Variants in CDS2 observed in about 807,000 individuals in gnomAD.
CDS2 encodes the protein phosphatidate cytidylyltransferase 2.
CDS2 carries 47 observed loss-of-function variants against 59.0 expected under a neutral mutation model. The ratio of observed to expected loss-of-function variants is 0.80; its 90% CI spans 0.63 to 1.02. The LOEUF (loss-of-function observed/expected upper bound fraction) is 1.02. Ranked by LOEUF, CDS2 falls within the 50% of genes least tolerant of loss-of-function variation. The pLI is 0.00. For synonymous variants in CDS2, 207 were observed against 206.4 expected (o/e 1.00, Z -0.02); for missense variants, 356 against 558.9 (o/e 0.64, Z 3.66).
chr20:5,183,756 G>A (rs2091047638), intron 7 of CDS2, among the ~76,000 whole-genome samples: 3 of 152,232 alleles, frequency 2.0e-5, no homozygotes, highest in Admixed American at 2.0e-4. Flanking sequence ...AGTGTGTCAA[G>A]GGAATAATAT....
At chr20:5,136,324 GACTCGGTT>G (rs1180300610) in intron 1 of CDS2, among the ~76,000 whole-genome samples, 2 of 152,138 alleles carry the variant, frequency 1.3e-5, no homozygotes, top group Non-Finnish European at 2.9e-5. Context: ...AATCCCAGAT[GACTCGGTT>G]ACTCAGGCTT....
chr20:5,140,514 C>G (rs745416154), intron 1 of CDS2, among the ~76,000 whole-genome samples: 4 of 152,118 alleles, frequency 2.6e-5, no homozygotes, highest in African/African-American at 4.8e-5. Flanking sequence ...TGGTTTATAG[C>G]CTAGTTCAAT....
At chr20:5,141,303 A>G (rs1040547299) in intron 1 of CDS2, among the ~76,000 whole-genome samples, 33 of 152,242 alleles carry the variant, frequency 2.2e-4, no homozygotes, top group African/African-American at 6.8e-4. Flanking sequence ...ATTAGATAGT[A>G]TCCTTTTTGT....
At position 5,194,368 on chromosome 20, in the gene CDS2, C is replaced by T. The variant is rs954808743; in HGVS notation, c.*4134C>T. The stretch of plus-strand genomic sequence containing the variant: ...TCTTATCTCAGGGCTCTGCCTGGCC[C>T]ACCTTCTCTTGGGCCTGGACTCTCC... On this transcript the variant is annotated 3_prime_UTR_variant, in exon 13 of 13. Transcript: ENST00000460006. 2 of 152,234 alleles carry T rather than the reference C, an allele frequency of 1.3e-5. No homozygotes were observed. Among genetic ancestry groups the T allele is most frequent in the African/African-American group, 2.4e-5 (1 of 41,442 alleles). The allele number at this position is 152,234 out of a possible 1,614,324, so 9.4% of individuals were successfully genotyped here.
chr20:5,188,944 C>A, intron 10 of CDS2, 123 bp from the exon 11 acceptor site: 1 of 1,232,152 alleles, frequency 8.1e-7, no homozygotes, highest in Non-Finnish European at 1.2e-6. Context: ...CCAAACACCT[C>A]CCACTAGGCA....
intron 1 of CDS2, among the ~76,000 whole-genome samples, chr20:5,157,854 T>C (rs1301647144): frequency 2.0e-5 from 3 of 152,088 alleles, no homozygotes; most frequent in African/African-American, 7.2e-5. Flanking sequence ...GAGACATAAA[T>C]ATGCAGACCA....
chr20:5,152,095 C>A lies in CDS2; in HGVS notation c.58-21428C>A, dbSNP rs919570215. ...CATGGCTTTTTAAAAAAAAAAAAAA[C>A]AAAAAAACAAAAACAGGCAATGATC... is the stretch of plus-strand genomic sequence containing the variant. On this transcript the variant is annotated intron_variant, in intron 1 of 12. Coordinates refer to ENST00000460006, the MANE Select transcript of CDS2 (RefSeq NM_003818.4). 1.5e-3 allele frequency among the ~76,000 whole-genome samples: 220 copies of A among 144,240 alleles called. 1 individual carries two copies. The highest frequency in any genetic ancestry group is 4.4e-3 in the African/African-American group (173 of 38,942). 94.6% of individuals were successfully genotyped at this position (144,240 alleles called of 152,430 possible).
intron 1 of CDS2, among the ~76,000 whole-genome samples, chr20:5,168,418 A>T (rs6116671): frequency 7.5e-6 from 1 of 132,910 alleles, no homozygotes; most frequent in Non-Finnish European, 1.6e-5. Context: ...CTGTCCCCCC[A>T]AAAAAAAAAA....
rs774804634 is a variant in CDS2, at chr20:5,190,249, C to T, written c.*15C>T. ...AGGACGAGTAGGGGCCACCCAGGGC[C>T]AGGAGAACAGGAACAGAACTGAGCA... On this transcript the variant is annotated 3_prime_UTR_variant, in exon 13 of 13. Coordinates refer to ENST00000460006, the MANE Select transcript of CDS2 (RefSeq NM_003818.4). 6.2e-7 allele frequency: 1 copy of T among 1,610,666 alleles called. No homozygotes were observed. The highest frequency in any genetic ancestry group is 1.3e-5 in the African/African-American group (1 of 74,924).
chr20:5,162,429 T>C (rs1373128679), intron 1 of CDS2, among the ~76,000 whole-genome samples: 1 of 152,218 alleles, frequency 6.6e-6, no homozygotes, highest in East Asian at 1.9e-4. Flanking sequence ...GGTTTCTGGC[T>C]TATGCAGGGT....
In CDS2 at chr20:5,195,032, A is replaced by G. The variant is rs1568548337; in HGVS notation, c.*4798A>G. 2 of 152,170 alleles carry G rather than the reference A, an allele frequency of 1.3e-5. No individual in the cohort carries two copies. Among genetic ancestry groups the G allele is most frequent in the Non-Finnish European group, 2.9e-5 (2 of 68,042 alleles). The allele number at this position is 152,170 out of a possible 1,614,324, so 9.4% of individuals were successfully genotyped here. A position where few individuals can be genotyped will look rare whatever the true frequency, so the allele number is the denominator to read the frequency against. ...AGCAGTGGTTAAGACAGACTTTGGGATCAAATCACCCTAGGTGCGGGCAGG... is the reference window on the plus strand; with the variant it reads ...AGCAGTGGTTAAGACAGACTTTGGGGTCAAATCACCCTAGGTGCGGGCAGG... On this transcript the variant is annotated 3_prime_UTR_variant, in exon 13 of 13. Coordinates refer to ENST00000460006, the MANE Select transcript of CDS2 (RefSeq NM_003818.4).
At chr20:5,156,292 A>G (rs1042380868) in intron 1 of CDS2, among the ~76,000 whole-genome samples, 2 of 152,174 alleles carry the variant, frequency 1.3e-5, no homozygotes, top group African/African-American at 2.4e-5. Context: ...AGTGTTTTCC[A>G]TGGGGCACAT....
chr20:5,185,914 C>T, intron 9 of CDS2, 88 bp downstream of exon 9: 1 of 1,276,234 alleles, frequency 7.8e-7, no homozygotes, highest in South Asian at 1.2e-5. Flanking sequence ...TGGAGAGTGT[C>T]TTTGGAGGCC....
chr20:5,186,915 C>A, intron 10 of CDS2, 76 bp downstream of exon 10: 1 of 1,533,892 alleles, frequency 6.5e-7, no homozygotes, highest in Non-Finnish European at 9.0e-7. Flanking sequence ...CATCACCTGC[C>A]CTCTGAAAAA....
intron 1 of CDS2, among the ~76,000 whole-genome samples, chr20:5,140,319 A>G (rs558729802): frequency 4.5e-4 from 68 of 152,326 alleles, no homozygotes; most frequent in Admixed American, 1.6e-3. Flanking sequence ...AAAGGGATGT[A>G]CTTTGTTTAG....
rs1430091607 is a variant in CDS2 at position 5,169,879 on chromosome 20, C to T, written c.58-3644C>T. On this transcript the variant is annotated intron_variant, in intron 1 of 12. Coordinates refer to ENST00000460006, the MANE Select transcript of CDS2 (RefSeq NM_003818.4). ...AAGCAAGGTAGGCAAATGCTGTGCC[C>T]AGATCATTTATTAGCACTTGGCCCC... Among the ~76,000 whole-genome samples, 3 of 152,254 alleles carry T rather than the reference C, an allele frequency of 2.0e-5. No individual in the cohort carries two copies. In the South Asian group the frequency reaches 6.2e-4, roughly 32 times the overall value.
At chr20:5,176,092 A>G (rs1829309916) in intron 3 of CDS2, 1 of 153,824 alleles carries the variant, frequency 6.5e-6, no homozygotes, top group Admixed American at 6.4e-5. Context: ...GGGAGGTTCT[A>G]GAATAAAAAG....
chr20:5,172,735 T>G (rs2090965344), intron 1 of CDS2, among the ~76,000 whole-genome samples: 1 of 152,214 alleles, frequency 6.6e-6, no homozygotes, highest in South Asian at 2.1e-4. Context: ...AGTGATTTAC[T>G]TTCTCCTCCA....
At chr20:5,145,253 C>T (rs1238546334) in intron 1 of CDS2, among the ~76,000 whole-genome samples, 8 of 130,790 alleles carry the variant, frequency 6.1e-5, no homozygotes, top group Non-Finnish European at 8.2e-5. Context: ...CCCCCGCCCC[C>T]GCCACCAAAT....
Sources: gnomAD v4.1 joint callset for allele counts (sites outside exome capture counted in the v4.1 genomes callset) on GRCh38, gnomAD v4.1.1 for gene constraint, MANE v1.5 for transcripts, NCBI Gene and HGNC (gene_info 2026-07-23, HGNC 2026-07-21) for gene names.